The following RFX8 variants were observed in gnomAD, a reference collection of about 807,000 sequenced individuals.
RFX8 encodes DNA-binding protein RFX8.
A neutral mutation model predicts 54.6 loss-of-function variants in RFX8; 46 were observed. That is an observed-to-expected ratio of 0.84 (90% CI 0.67 to 1.08). The LOEUF is 1.08. RFX8 is among the 50% of genes least tolerant of loss of function. The pLI, the probability that RFX8 is intolerant of heterozygous loss-of-function variation, is 0.00. For synonymous variants in RFX8, 192 were observed against 209.5 expected (o/e 0.92, Z 0.72); for missense variants, 536 against 562.3 (o/e 0.95, Z 0.47).
At chr2:101,421,114 G>T in intron 4 of RFX8, 1 of 303,470 alleles carries the variant, frequency 3.3e-6, no homozygotes, top group Non-Finnish European at 4.8e-6. Context: ...TAGTAAATGC[G>T]CTCGTGCTGA....
chr2:101,414,231 A>T (rs983164098), intron 7 of RFX8, among the ~76,000 whole-genome samples: 3 of 152,030 alleles, frequency 2.0e-5, no homozygotes, highest in African/African-American at 7.2e-5. Flanking sequence ...TGACACTGGC[A>T]CCTCTGTGTG....
At chr2:101,445,743 T>C (rs1322301422) in intron 2 of RFX8, among the ~76,000 whole-genome samples, 1 of 152,078 alleles carries the variant, frequency 6.6e-6, no homozygotes, top group African/African-American at 2.4e-5. Context: ...TGTCCTTTTT[T>C]ATTCTTTTTT....
At chr2:101,420,372 G>A (rs1420144348) in intron 4 of RFX8, among the ~76,000 whole-genome samples, 6 of 151,932 alleles carry the variant, frequency 3.9e-5, no homozygotes, top group Non-Finnish European at 7.4e-5. Context: ...TAAAAACCCC[G>A]TCTCTACTAA....
At chr2:101,408,700 G>GTATAAAATAAACCATACA (rs1435853196) in intron 9 of RFX8, among the ~76,000 whole-genome samples, 2 of 152,216 alleles carry the variant, frequency 1.3e-5, no homozygotes, top group African/African-American at 2.4e-5. Context: ...TACAGAATCT[G>GTATAAAATAAACCATACA]GGATAATTAT....
intron 8 of RFX8, 65 bp from the exon 9 acceptor site, chr2:101,410,778 T>C: frequency 1.2e-6 from 1 of 821,358 alleles, no homozygotes. Context: ...CTCTTAGGTA[T>C]TTGTGTACTG....
At chr2:101,471,207 G>T (rs556035870) in intron 1 of RFX8, among the ~76,000 whole-genome samples, 2 of 151,926 alleles carry the variant, frequency 1.3e-5, no homozygotes, top group Non-Finnish European at 2.9e-5. Flanking sequence ...AGTGGTGCGT[G>T]CCTGTAATCC....
intron 2 of RFX8, among the ~76,000 whole-genome samples, chr2:101,435,497 A>G (rs573794331): frequency 8.7e-4 from 133 of 152,316 alleles, no homozygotes; most frequent in African/African-American, 3.0e-3. Context: ...GGTAGAGAAT[A>G]AAGGTTAATT....
Position 101,446,236 on chromosome 2 carries a change from C to T in RFX8, c.72+20541G>A, listed in dbSNP as rs941748909. ...TGTCACCCAGGCTGGAGTGCAGTGG[C>T]GTGATCTCAGCTCATTGCAGCCTCC... is the stretch of plus-strand genomic sequence containing the variant. On this transcript the variant is annotated intron_variant, in intron 2 of 11. Transcript: ENST00000428343. Among the ~76,000 whole-genome samples, 39 of 152,200 alleles carry T rather than the reference C, an allele frequency of 2.6e-4. 1 individual carries two copies. The highest frequency in any genetic ancestry group is 1.3e-4 in the Admixed American group (2 of 15,298).
chr2:101,399,017 T>C (rs1685279445), intron 11 of RFX8, among the ~76,000 whole-genome samples: 1 of 152,248 alleles, frequency 6.6e-6, no homozygotes, highest in African/African-American at 2.4e-5. Context: ...CTGGAGTACA[T>C]GACCTAAATT....
intron 1 of RFX8, among the ~76,000 whole-genome samples, chr2:101,469,020 A>ATATATATATGTATATATATACG (rs1553460145): frequency 2.0e-5 from 2 of 100,750 alleles, no homozygotes; most frequent in African/African-American, 3.9e-5. Context: ...ATATATAGGT[A>ATATATATATGTATATATATACG]TATATATATA....
intron 4 of RFX8, among the ~76,000 whole-genome samples, chr2:101,420,220 C>T (rs1686783475): frequency 6.6e-6 from 1 of 152,130 alleles, no homozygotes; most frequent in South Asian, 2.1e-4. Flanking sequence ...ACTTTCCCAC[C>T]TCCCCTCTGG....
At chr2:101,462,807 C>T (rs777737837) in intron 2 of RFX8, among the ~76,000 whole-genome samples, 1 of 152,124 alleles carries the variant, frequency 6.6e-6, no homozygotes, top group Non-Finnish European at 1.5e-5. Flanking sequence ...TACCTGATGG[C>T]TATCTGTCTG....
rs1173655940 is a variant in RFX8, at chr2:101,412,961, A to G, written c.672T>C (p.Ser224=). 2 of 1,551,704 alleles carry G rather than the reference A, an allele frequency of 1.3e-6. No individual in the cohort carries two copies. The highest frequency in any genetic ancestry group is 2.7e-5 in the African/African-American group (2 of 73,042). ...CCAGTTCATCTGCGCCACTCCGGTC[A>G]CTTGCCAGGGCTTTCTTAGAAGTAG... The part of the protein sequence containing the change: ...TLATSKKALA[S]DRSGADELEN... The change falls in exon 8 of 12, where the codon AGT becomes AGC. Residue 224 remains serine (S), a synonymous_variant. Transcript: ENST00000428343.
At chr2:101,433,802 A>G (rs4851439) in intron 2 of RFX8, among the ~76,000 whole-genome samples, 111,749 of 152,122 alleles carry the variant, frequency 0.73, 42,507 homozygotes, top group Middle Eastern at 0.88. Context: ...GAGCAAAGGC[A>G]CTTCATCTTC....
At chr2:101,400,952 A>G (rs1191257211) in intron 11 of RFX8, among the ~76,000 whole-genome samples, 1 of 152,184 alleles carries the variant, frequency 6.6e-6, no homozygotes, top group Non-Finnish European at 1.5e-5. Context: ...TCTTTCTGCC[A>G]ACTGTCTGGA....
intron 2 of RFX8, among the ~76,000 whole-genome samples, chr2:101,436,234 G>A (rs898420742): frequency 1.3e-5 from 2 of 152,180 alleles, no homozygotes; most frequent in African/African-American, 4.8e-5. Flanking sequence ...ATTTTAATTA[G>A]ATTCTATGCT....
chr2:101,433,800 G>A (rs1687623498), intron 2 of RFX8, among the ~76,000 whole-genome samples: 1 of 152,098 alleles, frequency 6.6e-6, no homozygotes, highest in Admixed American at 6.5e-5. Flanking sequence ...CAGAGCAAAG[G>A]CACTTCATCT....
intron 9 of RFX8, among the ~76,000 whole-genome samples, chr2:101,408,597 TGAA>T (rs1685901006): frequency 6.6e-6 from 1 of 152,046 alleles, no homozygotes; most frequent in Admixed American, 6.5e-5. Context: ...AGCTAGCAAA[TGAA>T]TAAATGTCTC....
At chr2:101,428,088 G>A (rs1240980478) in intron 2 of RFX8, among the ~76,000 whole-genome samples, 1 of 152,012 alleles carries the variant, frequency 6.6e-6, no homozygotes, top group Non-Finnish European at 1.5e-5. Context: ...GGGGTCAGGA[G>A]TTCGAGACCA....
Sources: gnomAD v4.1 joint callset for allele counts (sites outside exome capture counted in the v4.1 genomes callset) on GRCh38, gnomAD v4.1.1 for gene constraint, MANE v1.5 for transcripts, NCBI Gene and HGNC (gene_info 2026-07-23, HGNC 2026-07-21) for gene names.